Variants in CCSER1 observed in about 807,000 individuals in gnomAD.
The protein encoded by CCSER1 is serine-rich coiled-coil domain-containing protein 1.
A neutral mutation model predicts 82.0 loss-of-function variants in CCSER1; 41 were observed. That is an observed-to-expected ratio of 0.50 (90% CI 0.39 to 0.65). The LOEUF (loss-of-function observed/expected upper bound fraction) is 0.65. Ranked by LOEUF, CCSER1 falls within the 30% of genes least tolerant of loss-of-function variation. The pLI is 0.00. For missense variants in CCSER1, 1,119 were observed against 1,064.2 expected (o/e 1.05, Z -0.72); for synonymous variants, 414 against 383.9 (o/e 1.08, Z -0.92).
intron 10 of CCSER1, among the ~76,000 whole-genome samples, chr4:91,316,225 A>G: frequency 1.3e-5 from 2 of 151,994 alleles, no homozygotes; most frequent in East Asian, 3.9e-4. Flanking sequence ...CTTTATTAGC[A>G]GCGTGAGAAT....
rs147973740 is a variant in CCSER1, at chr4:91,157,730, A to G, written c.2217+71736A>G. ...TATTGCAAATGAAATGTCAAACCTG[A>G]TGCCCTAAGTACAGCAGCGAATCTG... On this transcript the variant is annotated intron_variant, in intron 10 of 10. Coordinates refer to ENST00000509176, the MANE Select transcript of CCSER1 (RefSeq NM_001145065.2). Among the ~76,000 whole-genome samples the G allele has an allele frequency of 4.1e-4, 62 of 152,098 alleles. 1 individual carries two copies. The highest frequency in any genetic ancestry group is 8.2e-4 in the Non-Finnish European group (56 of 67,900).
intron 10 of CCSER1, among the ~76,000 whole-genome samples, chr4:91,116,472 A>G (rs1726611925): frequency 6.6e-6 from 1 of 152,216 alleles, no homozygotes; most frequent in Non-Finnish European, 1.5e-5. Flanking sequence ...AGCTCTTGTA[A>G]TAACAACAGC....
At chr4:91,034,491 A>C (rs1207857989) in intron 9 of CCSER1, among the ~76,000 whole-genome samples, 3 of 152,180 alleles carry the variant, frequency 2.0e-5, no homozygotes, top group Non-Finnish European at 4.4e-5. Flanking sequence ...GTTACTTTTA[A>C]ACCACTTTAC....
chr4:91,140,242 A>T (rs1728898949), intron 10 of CCSER1, among the ~76,000 whole-genome samples: 1 of 151,934 alleles, frequency 6.6e-6, no homozygotes, highest in African/African-American at 2.4e-5. Flanking sequence ...TGAGAAAAAG[A>T]TAATAGAAAA....
intron 8 of CCSER1, among the ~76,000 whole-genome samples, chr4:90,920,550 CA>C (rs1441274320): frequency 1.3e-5 from 2 of 151,932 alleles, no homozygotes; most frequent in South Asian, 4.1e-4. Context: ...AGTTCCACTT[CA>C]AATTGGCTAA....
chr4:90,577,028 A>T (rs148695344), intron 5 of CCSER1, among the ~76,000 whole-genome samples: 1 of 152,094 alleles, frequency 6.6e-6, no homozygotes, highest in African/African-American at 2.4e-5. Flanking sequence ...CCATATCCTA[A>T]CCAGCATGTT....
chr4:91,227,403 T>C (rs1465459171), intron 10 of CCSER1, among the ~76,000 whole-genome samples: 1 of 151,740 alleles, frequency 6.6e-6, no homozygotes, highest in East Asian at 1.9e-4. Flanking sequence ...ATAGAAACCG[T>C]CAAGAGCATT....
At chr4:90,423,900 G>A (rs1390273401) in intron 4 of CCSER1, among the ~76,000 whole-genome samples, 4 of 151,680 alleles carry the variant, frequency 2.6e-5, no homozygotes. Flanking sequence ...TCAGGAGATC[G>A]AAACCATGGT....
chr4:91,234,268 C>T (rs1738837111), intron 10 of CCSER1, among the ~76,000 whole-genome samples: 1 of 151,994 alleles, frequency 6.6e-6, no homozygotes, highest in African/African-American at 2.4e-5. Context: ...CATTGTAAAC[C>T]TTTAAAATTC....
intron 10 of CCSER1, among the ~76,000 whole-genome samples, chr4:91,102,438 T>C (rs1190857245): frequency 6.6e-6 from 1 of 152,200 alleles, no homozygotes; most frequent in Non-Finnish European, 1.5e-5. Flanking sequence ...TTCTTGTTTA[T>C]GTCTTTTCTT....
At chr4:91,145,901 A>T (rs1729486008) in intron 10 of CCSER1, among the ~76,000 whole-genome samples, 2 of 152,082 alleles carry the variant, frequency 1.3e-5, no homozygotes, top group Non-Finnish European at 2.9e-5. Flanking sequence ...TTGCACATTG[A>T]CCTTCAAAAG....
At chr4:90,957,457 A>G (rs1427370136) in intron 9 of CCSER1, among the ~76,000 whole-genome samples, 1 of 137,538 alleles carries the variant, frequency 7.3e-6, no homozygotes, top group African/African-American at 2.7e-5. Context: ...TTCATGGTAT[A>G]TAAATAATAT....
intron 7 of CCSER1, among the ~76,000 whole-genome samples, chr4:90,790,099 A>G (rs546809821): frequency 6.6e-6 from 1 of 152,218 alleles, no homozygotes; most frequent in East Asian, 1.9e-4. Context: ...GTAGCTTTCA[A>G]ATTCACCTCC....
chr4:90,466,058 C>A (rs750436967), intron 4 of CCSER1, among the ~76,000 whole-genome samples: 10 of 152,168 alleles, frequency 6.6e-5, no homozygotes, highest in South Asian at 6.2e-4. Flanking sequence ...TAAGATGACA[C>A]GTGACTCCAG....
chr4:91,239,790 A>T (rs1739279301), intron 10 of CCSER1, among the ~76,000 whole-genome samples: 1 of 3,060 alleles, frequency 3.3e-4, no homozygotes, highest in South Asian at 0.014. Context: ...ACCTGTCATT[A>T]TGAGATATTT....
At chr4:90,233,829 T>G (rs1269715982) in intron 1 of CCSER1, among the ~76,000 whole-genome samples, 1 of 152,110 alleles carries the variant, frequency 6.6e-6, no homozygotes, top group Non-Finnish European at 1.5e-5. Flanking sequence ...TGTTTCAATA[T>G]GAATGATGCA....
chr4:90,768,506 G>C (rs1751601829), intron 7 of CCSER1, among the ~76,000 whole-genome samples: 1 of 152,170 alleles, frequency 6.6e-6, no homozygotes, highest in African/African-American at 2.4e-5. Flanking sequence ...GGATGCTGCT[G>C]TAATAAGTCT....
chr4:90,371,902 G>T (rs1315330548), intron 3 of CCSER1, among the ~76,000 whole-genome samples: 2 of 152,106 alleles, frequency 1.3e-5, no homozygotes, highest in Admixed American at 1.3e-4. Context: ...AATTAATTTA[G>T]AACACTAATG....
chr4:90,128,530 C>T (rs1225388478), intron 1 of CCSER1, among the ~76,000 whole-genome samples: 1 of 151,968 alleles, frequency 6.6e-6, no homozygotes, highest in Non-Finnish European at 1.5e-5. Context: ...CGCGCGCGCG[C>T]GCTCTGGACT....
Sources: allele counts gnomAD v4.1 joint callset (sites outside exome capture counted in the v4.1 genomes callset), GRCh38; gene constraint gnomAD v4.1.1; transcripts MANE v1.5; gene names NCBI Gene and HGNC (gene_info 2026-07-23, HGNC 2026-07-21).